Variants in ADCK1 observed in about 807,000 individuals in gnomAD.
ADCK1 encodes aarF domain containing kinase 1, also known as aarF domain-containing protein kinase 1.
A neutral mutation model predicts 52.3 loss-of-function variants in ADCK1; 41 were observed. The ratio of observed to expected loss-of-function variants is 0.78; its 90% CI spans 0.61 to 1.02. The LOEUF is 1.02. ADCK1 is among the 50% of genes least tolerant of loss of function. ADCK1 has a pLI of 0.00. For synonymous variants in ADCK1, 250 were observed against 274.6 expected (o/e 0.91, Z 0.89); for missense variants, 658 against 679.5 (o/e 0.97, Z 0.35).
intron 7 of ADCK1, among the ~76,000 whole-genome samples, chr14:77,915,215 G>C (rs1172564406): frequency 1.3e-5 from 2 of 151,438 alleles, no homozygotes; most frequent in Non-Finnish European, 2.9e-5. Flanking sequence ...TAAGTTTTAG[G>C]GTACATGTGC....
chr14:77,852,660 A>AATAAATAAATAAATAT (rs1372819667), intron 3 of ADCK1, among the ~76,000 whole-genome samples: 1 of 31,744 alleles, frequency 3.2e-5, no homozygotes, highest in African/African-American at 1.1e-4. Flanking sequence ...TAAATAAATA[A>AATAAATAAATAAATAT]ATATATATAT....
chr14:77,864,657 GTGTA>G (rs766791939), intron 4 of ADCK1, among the ~76,000 whole-genome samples: 1 of 149,626 alleles, frequency 6.7e-6, no homozygotes, highest in African/African-American at 2.5e-5. Flanking sequence ...GTGTGTGTGT[GTGTA>G]TGTGTGTTTG....
Position 77,925,728 on chromosome 14 carries a change from G to A in ADCK1, c.1009-36G>A, listed in dbSNP as rs769810057. ...GGACTTGGGCCTTTGGTGGGGAGAC[G>A]AGGCTTAGGTCCCACCGCTGCCGCC... On this transcript the variant is annotated intron_variant, in intron 8 of 10. Coordinates refer to ENST00000238561, the MANE Select transcript of ADCK1 (RefSeq NM_020421.4). The A allele has an allele frequency of 1.2e-5, 20 of 1,605,464 alleles. No individual in the cohort carries two copies. The East Asian group carries it at 3.6e-4, about 29-fold the overall frequency.
At chr14:77,837,938 C>T (rs2081994202) in intron 3 of ADCK1, among the ~76,000 whole-genome samples, 1 of 152,122 alleles carries the variant, frequency 6.6e-6, no homozygotes, top group South Asian at 2.1e-4. Context: ...GCCACAGCTC[C>T]AAAATGCGAA....
chr14:77,887,078 C>G lies in ADCK1; in HGVS notation c.424-13C>G, dbSNP rs764947817. The G allele has an allele frequency of 6.4e-7, 1 of 1,557,796 alleles. No individual in the cohort carries two copies. The highest frequency in any genetic ancestry group is 1.4e-5 in the African/African-American group (1 of 72,784). Reference sequence around the variant, plus strand: ...CATCTTTTTCATTGCTCTGTTCTCTCCACTCCCGACAGATCCATGATTTGT... The same window carrying G: ...CATCTTTTTCATTGCTCTGTTCTCTGCACTCCCGACAGATCCATGATTTGT... On this transcript the variant is annotated splice_polypyrimidine_tract_variant and intron_variant, in intron 4 of 10. Coordinates refer to ENST00000238561, the MANE Select transcript of ADCK1 (RefSeq NM_020421.4).
Position 77,822,447 on chromosome 14 carries a change from A to G in ADCK1, c.148A>G (p.Ser50Gly). The G allele has an allele frequency of 6.2e-7, 1 of 1,614,024 alleles. No individual in the cohort carries two copies. The highest frequency in any genetic ancestry group is 8.5e-7 in the Non-Finnish European group (1 of 1,179,882). The change falls in exon 3 of 11, where the codon AGT (serine) becomes GGT (glycine). Residue 50 changes from serine to glycine, a missense_variant. Transcript: ENST00000238561. Reference protein sequence around the residue: ...GRAVATTAVISYDYLTSLKSV... With the variant: ...GRAVATTAVIGYDYLTSLKSV... ...CCTTGGTTCACAGACGGCTGTCATC[A>G]GTTACGACTACCTCACTTCCCTGAA... is the stretch of plus-strand genomic sequence containing the variant.
chr14:77,854,636 A>C (rs376245760), intron 3 of ADCK1, among the ~76,000 whole-genome samples: 2 of 148,290 alleles, frequency 1.3e-5, no homozygotes, highest in South Asian at 4.2e-4. Context: ...GGTTCACTAC[A>C]ACCTCCGCCT....
chr14:77,813,272 G>T (rs897850658), intron 1 of ADCK1, among the ~76,000 whole-genome samples: 1 of 151,952 alleles, frequency 6.6e-6, no homozygotes, highest in African/African-American at 2.4e-5. Context: ...AAAGTACTGG[G>T]ATTATAGGCG....
intron 6 of ADCK1, among the ~76,000 whole-genome samples, chr14:77,904,922 G>C (rs2083624933): frequency 1.3e-5 from 2 of 152,082 alleles, no homozygotes. Flanking sequence ...AAGAAGCATA[G>C]GACAGGAAAT....
intron 6 of ADCK1, among the ~76,000 whole-genome samples, chr14:77,905,311 T>G (rs907506579): frequency 7.0e-6 from 1 of 143,576 alleles, no homozygotes; most frequent in East Asian, 2.0e-4. Context: ...CTGGTTTTTT[T>G]TTTTTTTTTT....
chr14:77,867,464 TA>T (rs960806480), intron 4 of ADCK1, among the ~76,000 whole-genome samples: 8 of 151,946 alleles, frequency 5.3e-5, no homozygotes, highest in African/African-American at 1.7e-4. Context: ...TAATGAAGAA[TA>T]AAAAAACCCA....
intron 8 of ADCK1, among the ~76,000 whole-genome samples, chr14:77,925,516 C>T (rs371042790): frequency 1.2e-4 from 19 of 152,360 alleles, no homozygotes; most frequent in African/African-American, 4.6e-4. Context: ...GAGGCTGTAC[C>T]TGGGAAGAGG....
chr14:77,823,747 G>A (rs9323653), intron 3 of ADCK1, among the ~76,000 whole-genome samples: 122,989 of 151,636 alleles, frequency 0.81, 50,138 homozygotes, highest in Middle Eastern at 0.91. Flanking sequence ...TGATTTTTGT[G>A]TTTTTAGTAG....
At chr14:77,847,079 G>A (rs2082186300) in intron 3 of ADCK1, among the ~76,000 whole-genome samples, 1 of 152,160 alleles carries the variant, frequency 6.6e-6, no homozygotes, top group Non-Finnish European at 1.5e-5. Context: ...CTTGGGTCCA[G>A]GCTGAGAGGA....
chr14:77,849,327 G>T (rs2082236503), intron 3 of ADCK1, among the ~76,000 whole-genome samples: 1 of 152,170 alleles, frequency 6.6e-6, no homozygotes, highest in Non-Finnish European at 1.5e-5. Context: ...TCCCGCCTTG[G>T]CCTTCCAATA....
intron 3 of ADCK1, among the ~76,000 whole-genome samples, chr14:77,850,505 A>G (rs1196914735): frequency 6.6e-6 from 1 of 152,150 alleles, no homozygotes; most frequent in African/African-American, 2.4e-5. Flanking sequence ...TTAGGATGGT[A>G]TATCCTCTTG....
At chr14:77,810,775 C>T (rs2081324270) in intron 1 of ADCK1, among the ~76,000 whole-genome samples, 1 of 152,102 alleles carries the variant, frequency 6.6e-6, no homozygotes, top group Non-Finnish European at 1.5e-5. Context: ...TCATGATTTG[C>T]CTGCCTCAGC....
At chr14:77,870,671 G>A (rs184599192) in intron 4 of ADCK1, among the ~76,000 whole-genome samples, 8 of 152,342 alleles carry the variant, frequency 5.3e-5, no homozygotes, top group South Asian at 2.1e-4. Context: ...AGCTCAGAGC[G>A]TGAGTGTCCC....
At chr14:77,895,820 G>A (rs757282827) in intron 5 of ADCK1, among the ~76,000 whole-genome samples, 3 of 152,088 alleles carry the variant, frequency 2.0e-5, no homozygotes, top group Non-Finnish European at 2.9e-5. Context: ...TGAATTATGT[G>A]CAAAATTATG....
Sources: gnomAD v4.1 joint callset for allele counts (sites outside exome capture counted in the v4.1 genomes callset) on GRCh38, gnomAD v4.1.1 for gene constraint, MANE v1.5 for transcripts, NCBI Gene and HGNC (gene_info 2026-07-23, HGNC 2026-07-21) for gene names.